Variants in XYLT1 observed in about 807,000 individuals in gnomAD.
XYLT1 encodes the protein xylosyltransferase 1, also known as beta-D-xylosyltransferase 1.
XYLT1 carries 36 observed loss-of-function variants against 91.3 expected under a neutral mutation model. The observed-to-expected ratio is 0.39, with a 90% CI of 0.30 to 0.52. The LOEUF is 0.52. Ranked by LOEUF, XYLT1 falls within the 20% of genes least tolerant of loss-of-function variation. XYLT1 has a pLI of 0.68. For synonymous variants in XYLT1, 588 were observed against 532.0 expected (o/e 1.11, Z -1.45); for missense variants, 1,242 against 1,284.5 (o/e 0.97, Z 0.51).
At chr16:17,397,133 A>C (rs1454356658) in intron 1 of XYLT1, among the ~76,000 whole-genome samples, 1 of 152,174 alleles carries the variant, frequency 6.6e-6, no homozygotes, top group Non-Finnish European at 1.5e-5. Context: ...AATTCAATTC[A>C]GGAGGGATGT....
At position 17,470,644 on chromosome 16, in the gene XYLT1, G is replaced by A. The variant is rs1359545259; in HGVS notation, c.153C>T (p.Val51=). Residue 51 remains valine (V), a synonymous_variant, in exon 1 of 12, where the codon GTC becomes GTT. Coordinates refer to ENST00000261381, the MANE Select transcript of XYLT1 (RefSeq NM_022166.4). The stretch of plus-strand genomic sequence containing the variant: ...CCGGGGGCGGCTGCTCCCCGCCGCC[G>A]ACCGCTGCGCCCCCGCGGCGCTCCC... The part of the protein sequence containing the change: ...GAGERRGGAA[V]GGGEQPPPAP... 2.7e-6 allele frequency: 3 copies of A among 1,112,436 alleles called. No homozygotes were observed. The highest frequency in any genetic ancestry group is 3.4e-5 in the African/African-American group (2 of 58,838). 68.9% of individuals were successfully genotyped at this position (1,112,436 alleles called of 1,614,324 possible).
At chr16:17,302,356 G>A (rs890730008) in intron 2 of XYLT1, among the ~76,000 whole-genome samples, 2 of 152,202 alleles carry the variant, frequency 1.3e-5, no homozygotes, top group Admixed American at 6.5e-5. Context: ...CGTCGTAGCA[G>A]ACAGCCATGA....
intron 2 of XYLT1, among the ~76,000 whole-genome samples, chr16:17,272,737 C>T (rs985042953): frequency 8.5e-5 from 13 of 152,144 alleles, no homozygotes; most frequent in Non-Finnish European, 1.6e-4. Flanking sequence ...CTGCTCTGTC[C>T]GGCCCGGCCA....
chr16:17,136,686 G>A (rs747606041), intron 8 of XYLT1, among the ~76,000 whole-genome samples: 24 of 152,084 alleles, frequency 1.6e-4, no homozygotes, highest in Non-Finnish European at 3.4e-4. Flanking sequence ...AACAAACAGG[G>A]CACGTTACCA....
intron 5 of XYLT1, among the ~76,000 whole-genome samples, chr16:17,190,620 G>T (rs1433325735): frequency 6.6e-6 from 1 of 152,080 alleles, no homozygotes; most frequent in Non-Finnish European, 1.5e-5. Context: ...CAAAGGACAT[G>T]AACTCATCCT....
At chr16:17,286,206 G>C (rs2034138605) in intron 2 of XYLT1, among the ~76,000 whole-genome samples, 1 of 152,096 alleles carries the variant, frequency 6.6e-6, no homozygotes, top group African/African-American at 2.4e-5. Context: ...TTTGAACCAG[G>C]CTCATGTAAG....
At chr16:17,332,748 C>G (rs1055999752) in intron 2 of XYLT1, among the ~76,000 whole-genome samples, 1 of 152,140 alleles carries the variant, frequency 6.6e-6, no homozygotes, top group Non-Finnish European at 1.5e-5. Context: ...GCCAAGGACT[C>G]TGGCCTTCAG....
chr16:17,414,246 G>A (rs1205831850), intron 1 of XYLT1, among the ~76,000 whole-genome samples: 1 of 152,094 alleles, frequency 6.6e-6, no homozygotes, highest in Non-Finnish European at 1.5e-5. Context: ...TTATTTGGTG[G>A]GCTTTATTTC....
At position 17,452,637 on chromosome 16, in the gene XYLT1, T is replaced by C. The variant is rs1332235635; in HGVS notation, c.363+17797A>G. ...ATGTCAAATTTAATCTATTCATTGA[T>C]CTAAGAATTACTTAGAAGAGTTTCG... On this transcript the variant is annotated intron_variant, in intron 1 of 11. Coordinates refer to ENST00000261381, the MANE Select transcript of XYLT1 (RefSeq NM_022166.4). Among the ~76,000 whole-genome samples, 7 of 152,330 alleles carry C rather than the reference T, an allele frequency of 4.6e-5. No individual in the cohort carries two copies. In the East Asian group the frequency reaches 1.2e-3, roughly 25 times the overall value.
intron 2 of XYLT1, among the ~76,000 whole-genome samples, chr16:17,332,393 C>A (rs773594729): frequency 6.6e-6 from 1 of 152,134 alleles, no homozygotes; most frequent in Non-Finnish European, 1.5e-5. Context: ...GAAACCCTGA[C>A]TCTACTAAAA....
chr16:17,357,518 C>T (rs756047220), intron 2 of XYLT1, among the ~76,000 whole-genome samples: 4 of 152,164 alleles, frequency 2.6e-5, no homozygotes, highest in South Asian at 2.1e-4. Context: ...CCTCCCCACA[C>T]GGAAATGCCA....
intron 3 of XYLT1, among the ~76,000 whole-genome samples, chr16:17,255,603 C>T (rs114367908): frequency 6.6e-6 from 1 of 152,202 alleles, no homozygotes; most frequent in African/African-American, 2.4e-5. Context: ...TTGCTACACT[C>T]TGTGTGCCAA....
At chr16:17,223,638 T>C (rs2033012482) in intron 3 of XYLT1, among the ~76,000 whole-genome samples, 1 of 152,182 alleles carries the variant, frequency 6.6e-6, no homozygotes, top group South Asian at 2.1e-4. Context: ...TGGAGTCAGA[T>C]GGAAAGGGCC....
chr16:17,465,108 C>T (rs1453923546), intron 1 of XYLT1, among the ~76,000 whole-genome samples: 2 of 131,080 alleles, frequency 1.5e-5, no homozygotes, highest in Non-Finnish European at 3.1e-5. Context: ...CACGCCACTG[C>T]CCTCCAGCCT....
chr16:17,278,202 C>G (rs1298880959), intron 2 of XYLT1, among the ~76,000 whole-genome samples: 1 of 152,176 alleles, frequency 6.6e-6, no homozygotes, highest in African/African-American at 2.4e-5. Context: ...GATTCAGACA[C>G]CGAACTCCCT....
intron 2 of XYLT1, among the ~76,000 whole-genome samples, chr16:17,310,380 T>C (rs2034528032): frequency 6.6e-6 from 1 of 152,172 alleles, no homozygotes; most frequent in African/African-American, 2.4e-5. Flanking sequence ...TCATACAGTC[T>C]CCGTACACTG....
At position 17,139,901 on chromosome 16, in the gene XYLT1, C is replaced by T. The variant is rs79987962; in HGVS notation, c.1587+1252G>A. ...GGTGATGGGGGCAGTCAGCCCTCCC[C>T]GGAGCTTGGCACTGCCCCAGACACA... On this transcript the variant is annotated intron_variant, in intron 7 of 11. Transcript: ENST00000261381. 0.011 allele frequency among the ~76,000 whole-genome samples: 1,681 copies of T among 152,320 alleles called. 81 individuals carry two copies. In the East Asian group the frequency reaches 0.16, roughly 15 times the overall value.
intron 5 of XYLT1, among the ~76,000 whole-genome samples, chr16:17,169,908 A>G (rs1324044491): frequency 3.9e-5 from 6 of 152,222 alleles, no homozygotes; most frequent in Non-Finnish European, 8.8e-5. Context: ...ATTGAATCTT[A>G]AAAGTAAATG....
intron 1 of XYLT1, among the ~76,000 whole-genome samples, chr16:17,421,711 T>A (rs2036253338): frequency 6.6e-6 from 1 of 152,202 alleles, no homozygotes; most frequent in African/African-American, 2.4e-5. Context: ...GGACAACACA[T>A]GGAGCCGAGA....
Sources: allele counts gnomAD v4.1 joint callset (sites outside exome capture counted in the v4.1 genomes callset), GRCh38; gene constraint gnomAD v4.1.1; transcripts MANE v1.5; gene names NCBI Gene and HGNC (gene_info 2026-07-23, HGNC 2026-07-21).